CBLB: variants seen among roughly 807,000 people sequenced by gnomAD.
CBLB encodes Cbl proto-oncogene B, also known as E3 ubiquitin-protein ligase CBL-B.
Under a neutral mutation model 104.9 loss-of-function variants are expected in CBLB, and 31 were observed. That is an observed-to-expected ratio of 0.30 (90% confidence interval 0.22 to 0.40). The LOEUF is 0.40. Ranked by LOEUF, CBLB falls within the 10% of genes least tolerant of loss-of-function variation. The probability of loss-of-function intolerance (pLI) is 1.00; values close to 1 mark genes in which losing one functional copy is unlikely to be tolerated. For synonymous variants in CBLB, 440 were observed against 422.6 expected, an observed-to-expected ratio of 1.04 and a Z score of -0.51; for missense variants, 1,062 against 1,214.6, an observed-to-expected ratio of 0.87 and a Z score of 1.87.
intron 3 of CBLB, among the ~76,000 whole-genome samples, chr3:105,845,547 C>T (rs1481320753): frequency 6.6e-6 from 1 of 151,246 alleles, no homozygotes; most frequent in Non-Finnish European, 1.5e-5. Context: ...AGAGAGGAAA[C>T]TGCTATTAAA....
intron 4 of CBLB, among the ~76,000 whole-genome samples, chr3:105,764,272 C>T (rs940543221): frequency 1.3e-5 from 2 of 151,970 alleles, no homozygotes; most frequent in African/African-American, 4.8e-5. Flanking sequence ...ATCTGGGGAC[C>T]AGGTATATAA....
intron 3 of CBLB, among the ~76,000 whole-genome samples, chr3:105,794,918 C>CTTT: frequency 7.0e-6 from 1 of 142,316 alleles, no homozygotes. Context: ...ATAATGGCAA[C>CTTT]TTTTTTTTTT....
At chr3:105,769,225 G>A (rs146442058) in intron 4 of CBLB, among the ~76,000 whole-genome samples, 2,336 of 152,256 alleles carry the variant, frequency 0.015, 32 homozygotes, top group Middle Eastern at 0.027. Flanking sequence ...GGCTGAGGAG[G>A]GAGAATCGCT....
At chr3:105,868,433 T>A in intron 1 of CBLB, 1 of 383,484 alleles carries the variant, frequency 2.6e-6, no homozygotes, top group East Asian at 3.7e-5. Flanking sequence ...AAAGTGTCCC[T>A]CCCGTGCCCG....
At chr3:105,852,993 A>G (rs925324063) in intron 3 of CBLB, among the ~76,000 whole-genome samples, 2 of 152,338 alleles carry the variant, frequency 1.3e-5, no homozygotes, top group East Asian at 1.9e-4. Flanking sequence ...CTGGGATTAC[A>G]GGCATGACCC....
intron 10 of CBLB, among the ~76,000 whole-genome samples, chr3:105,708,385 A>G (rs1421003311): frequency 6.6e-6 from 1 of 152,116 alleles, no homozygotes; most frequent in African/African-American, 2.4e-5. Context: ...GACCAAATAC[A>G]TAAGTATAAA....
chr3:105,784,167 T>C (rs560902321), intron 3 of CBLB, among the ~76,000 whole-genome samples: 52 of 152,326 alleles, frequency 3.4e-4, no homozygotes, highest in African/African-American at 1.2e-3. Flanking sequence ...TGAACTTCTT[T>C]TGATGAAACC....
intron 17 of CBLB, among the ~76,000 whole-genome samples, chr3:105,676,785 G>A (rs565930370): frequency 2.0e-5 from 3 of 152,340 alleles, no homozygotes; most frequent in African/African-American, 7.2e-5. Context: ...GGAGGGAACT[G>A]ATGGGAGATG....
At chr3:105,687,212 G>C (rs1477551926) in intron 13 of CBLB, among the ~76,000 whole-genome samples, 1 of 152,038 alleles carries the variant, frequency 6.6e-6, no homozygotes, top group Non-Finnish European at 1.5e-5. Flanking sequence ...AAAGAAAACA[G>C]TATTTTTCAC....
intron 3 of CBLB, among the ~76,000 whole-genome samples, chr3:105,848,949 G>C (rs2090613124): frequency 6.6e-6 from 1 of 152,044 alleles, no homozygotes; most frequent in Admixed American, 6.6e-5. Flanking sequence ...ACATTTCATG[G>C]GAGACTTTTA....
chr3:105,676,479 G>C (rs2152712471), intron 17 of CBLB, among the ~76,000 whole-genome samples: 1 of 152,246 alleles, frequency 6.6e-6, no homozygotes, highest in Middle Eastern at 3.4e-3. Context: ...CATCATCAAA[G>C]TTCCATCTAT....
At chr3:105,665,646 CATT>C (rs1339854687) in intron 18 of CBLB, among the ~76,000 whole-genome samples, 10 of 146,272 alleles carry the variant, frequency 6.8e-5, no homozygotes, top group Non-Finnish European at 1.5e-4. Context: ...ATAAAATATA[CATT>C]ATTAAATAAA....
chr3:105,657,771 G>C lies in CBLB; in HGVS notation c.*1199C>G, dbSNP rs775855457. The C allele has an allele frequency of 4.9e-6, 1 of 206,066 alleles. No homozygotes were observed. The highest frequency in any genetic ancestry group is 5.9e-5 in the Admixed American group (1 of 16,828). 12.8% of individuals were successfully genotyped at this position (206,066 alleles called of 1,614,324 possible). ...TAAAGCAGTGTGGAGCAATGAATGA[G>C]AGAATCTGCAAATTAAATATGAACT... On this transcript the variant is annotated 3_prime_UTR_variant, in exon 19 of 19. Transcript: ENST00000394030.
chr3:105,816,868 T>A (rs555372540), intron 3 of CBLB, among the ~76,000 whole-genome samples: 51 of 151,896 alleles, frequency 3.4e-4, no homozygotes, highest in African/African-American at 1.2e-3. Context: ...TAGTGACAAC[T>A]CCACCACAAT....
chr3:105,685,848 T>C (rs2066935202), intron 13 of CBLB, among the ~76,000 whole-genome samples: 1 of 152,188 alleles, frequency 6.6e-6, no homozygotes, highest in Non-Finnish European at 1.5e-5. Context: ...GATGCTACAA[T>C]AATAAGCATG....
chr3:105,732,199 G>C (rs2074390576), intron 9 of CBLB, among the ~76,000 whole-genome samples: 1 of 151,724 alleles, frequency 6.6e-6, no homozygotes, highest in African/African-American at 2.4e-5. Context: ...ATCTATCACT[G>C]AGTCAATATC....
chr3:105,754,035 AG>A (rs1223737456), intron 4 of CBLB, among the ~76,000 whole-genome samples: 2 of 152,164 alleles, frequency 1.3e-5, no homozygotes, highest in Non-Finnish European at 1.5e-5. Flanking sequence ...TTAGGGAGCC[AG>A]GGCACTATTT....
Position 105,822,091 on chromosome 3 carries a change from CTT to C in CBLB, c.419+31321_419+31322del, listed in dbSNP as rs145471569. Among the ~76,000 whole-genome samples the C allele has an allele frequency of 6.4e-3, 971 of 152,072 alleles. 30 individuals carry two copies. The highest frequency in any genetic ancestry group is 0.052 in the East Asian group (271 of 5,176). ...AACCAATTGACACTATTATAAATAA[CTT>C]ATATTATTATTTATCATTATCTTTT... On this transcript the variant is annotated intron_variant, in intron 3 of 18. Coordinates refer to ENST00000394030, the MANE Select transcript of CBLB (RefSeq NM_170662.5).
At chr3:105,778,308 T>C (rs150412289) in intron 3 of CBLB, among the ~76,000 whole-genome samples, 6 of 152,354 alleles carry the variant, frequency 3.9e-5, no homozygotes, top group African/African-American at 1.4e-4. Context: ...TATTTACTCA[T>C]GTATCTGTGT....
Sources: gnomAD v4.1 joint callset for allele counts (sites outside exome capture counted in the v4.1 genomes callset) on GRCh38, gnomAD v4.1.1 for gene constraint, MANE v1.5 for transcripts, NCBI Gene and HGNC (gene_info 2026-07-23, HGNC 2026-07-21) for gene names.